The following PPARG variants were observed in gnomAD, a reference collection of about 807,000 sequenced individuals.
PPARG encodes peroxisome proliferator activated receptor gamma.
In PPARG, 17 loss-of-function variants were observed where a neutral mutation model predicts 39.2. The ratio of observed to expected loss-of-function variants is 0.43; its 90% CI spans 0.30 to 0.65. PPARG has a LOEUF of 0.65. Among genes scored for constraint, PPARG ranks in the 30% least tolerant of loss-of-function variants. The pLI, the probability that PPARG is intolerant of heterozygous loss-of-function variation, is 0.13. For synonymous variants in PPARG, 223 were observed against 215.7 expected (o/e 1.03, Z -0.30); for missense variants, 406 against 585.9 (o/e 0.69, Z 3.17).
At chr3:12,355,765 T>C (rs937934557) in intron 2 of PPARG, among the ~76,000 whole-genome samples, 2 of 152,254 alleles carry the variant, frequency 1.3e-5, no homozygotes, top group Admixed American at 1.3e-4. Context: ...TTTCCCCTAC[T>C]ATCTCTAAGG....
rs2048480922 is a variant in PPARG, at chr3:12,351,358, T to C, written c.-8-28346T>C. 4 of 583,026 alleles carry C rather than the reference T, an allele frequency of 6.9e-6. No homozygotes were observed. In the South Asian group the frequency reaches 8.0e-5, roughly 12 times the overall value. 36.1% of individuals were successfully genotyped at this position (583,026 alleles called of 1,614,324 possible). On this transcript the variant is annotated intron_variant, in intron 2 of 7. Transcript: ENST00000651735. ...AGTCTTGCCAAAGCAGTGAACATTA[T>C]GACACAACTTTTTGTCACAGCTGGC...
intron 1 of PPARG, among the ~76,000 whole-genome samples, chr3:12,298,272 C>T (rs1478117588): frequency 1.6e-4 from 20 of 123,710 alleles, no homozygotes; most frequent in Admixed American, 4.8e-4. Context: ...GCACTCCAGC[C>T]TGGGCGACAG....
rs887997634 is a variant in PPARG at position 12,306,914 on chromosome 3, C to T, written c.-82-5466C>T. On this transcript the variant is annotated intron_variant, in intron 1 of 7. Transcript: ENST00000651735. ...GAGATCGAGACCATCCTGGCTAACA[C>T]GGTGTAACCCCATCTCTACTAAAAA... Among the ~76,000 whole-genome samples, 25 of 151,872 alleles carry T rather than the reference C, an allele frequency of 1.6e-4. No homozygotes were observed. The East Asian group carries it at 2.5e-3, about 15-fold the overall frequency.
At position 12,342,855 on chromosome 3, in the gene PPARG, C is replaced by A. The variant is rs186589668; in HGVS notation, c.-9+30402C>A. Among the ~76,000 whole-genome samples the A allele has an allele frequency of 1.8e-4, 28 of 151,704 alleles. No individual in the cohort carries two copies. In the East Asian group the frequency reaches 5.1e-3, roughly 27 times the overall value. Reference sequence around the variant, plus strand: ...TCAGATAGAAAAGCAGCAGTGTATTCTTTCCTTCAAGGAAAATGAAAATGT... The same window carrying A: ...TCAGATAGAAAAGCAGCAGTGTATTATTTCCTTCAAGGAAAATGAAAATGT... On this transcript the variant is annotated intron_variant, in intron 2 of 7. Coordinates refer to ENST00000651735, the MANE Select transcript of PPARG (RefSeq NM_138711.6).
intron 2 of PPARG, chr3:12,371,802 C>A: frequency 1.6e-6 from 1 of 631,616 alleles, no homozygotes; most frequent in South Asian, 1.5e-5. Flanking sequence ...TTTTCTTTAT[C>A]TGTCAAATGA....
upstream of PPARG, chr3:12,287,714 C>T (rs1267185325): frequency 4.0e-5 from 6 of 150,922 alleles, no homozygotes; most frequent in Admixed American, 2.6e-4. Context: ...GCGGGAAAGC[C>T]GGTGGCTCCC....
chr3:12,372,577 G>T (rs2049258696), intron 2 of PPARG, among the ~76,000 whole-genome samples: 1 of 152,124 alleles, frequency 6.6e-6, no homozygotes, highest in Non-Finnish European at 1.5e-5. Flanking sequence ...TAAATATGAA[G>T]AAGATGTAAC....
In PPARG at chr3:12,304,821, G is replaced by A. The variant is rs187619407; in HGVS notation, c.-82-7559G>A. On this transcript the variant is annotated intron_variant, in intron 1 of 7. Transcript: ENST00000651735. Reference sequence around the variant, plus strand: ...AAGCAAAGATAGTTTCTTTAAAGTCGCATTTATATGTAATAACAATGGGAA... The same window carrying A: ...AAGCAAAGATAGTTTCTTTAAAGTCACATTTATATGTAATAACAATGGGAA... Among the ~76,000 whole-genome samples, 111 of 152,270 alleles carry A rather than the reference G, an allele frequency of 7.3e-4. 1 individual carries two copies. Among genetic ancestry groups the A allele is most frequent in the African/African-American group, 2.5e-3 (103 of 41,550 alleles).
At chr3:12,360,971 G>A (rs1169619527) in intron 2 of PPARG, among the ~76,000 whole-genome samples, 1 of 152,026 alleles carries the variant, frequency 6.6e-6, no homozygotes, top group Non-Finnish European at 1.5e-5. Context: ...TGAGCTTCAG[G>A]AGACGTTGCC....
intron 2 of PPARG, among the ~76,000 whole-genome samples, chr3:12,379,409 T>C (rs1024124532): frequency 6.6e-6 from 1 of 152,196 alleles, no homozygotes; most frequent in African/African-American, 2.4e-5. Flanking sequence ...GATGACCTAA[T>C]GTAGAAGTTA....
chr3:12,396,751 C>A (rs1434785449), intron 5 of PPARG, among the ~76,000 whole-genome samples: 1 of 132,324 alleles, frequency 7.6e-6, no homozygotes, highest in Non-Finnish European at 1.6e-5. Context: ...GAGCAAGACC[C>A]AGTCTCAAAA....
chr3:12,403,733 G>T (rs772934280), intron 5 of PPARG, among the ~76,000 whole-genome samples: 1 of 152,098 alleles, frequency 6.6e-6, no homozygotes, highest in Non-Finnish European at 1.5e-5. Flanking sequence ...TGGAACCTGC[G>T]GGTATGGAGG....
At chr3:12,292,646 G>A (rs1246067974) in intron 1 of PPARG, among the ~76,000 whole-genome samples, 10 of 151,960 alleles carry the variant, frequency 6.6e-5, no homozygotes, top group African/African-American at 1.2e-4. Context: ...TAAATTCTTC[G>A]CGTGAATTGT....
intron 2 of PPARG, among the ~76,000 whole-genome samples, chr3:12,316,799 A>C (rs2047401552): frequency 6.6e-6 from 1 of 152,046 alleles, no homozygotes; most frequent in African/African-American, 2.4e-5. Flanking sequence ...GTGTACCATA[A>C]ATTGTGAGGT....
intron 6 of PPARG, 183 bp downstream of exon 6, chr3:12,406,264 C>A: frequency 1.2e-5 from 8 of 671,656 alleles, no homozygotes; most frequent in Non-Finnish European, 8.0e-6. Context: ...CACAAGTCAA[C>A]ATTATTTTGA....
intron 1 of PPARG, among the ~76,000 whole-genome samples, chr3:12,293,604 G>A (rs1283543602): frequency 6.6e-6 from 1 of 152,172 alleles, no homozygotes; most frequent in Non-Finnish European, 1.5e-5. Flanking sequence ...CATGATTACT[G>A]TGTATAGTCT....
intron 2 of PPARG, chr3:12,371,884 T>C (rs2049228240): frequency 1.4e-6 from 1 of 703,238 alleles, no homozygotes; most frequent in African/African-American, 1.8e-5. Flanking sequence ...TGGATGTCGC[T>C]GTCATGATGG....
intron 7 of PPARG, 89 bp downstream of exon 7, chr3:12,417,243 G>A (rs1363129506): frequency 2.9e-5 from 38 of 1,306,280 alleles, no homozygotes; most frequent in Non-Finnish European, 4.1e-5. Context: ...GTGTTAGTCT[G>A]CATTGTCACT....
intron 6 of PPARG, among the ~76,000 whole-genome samples, chr3:12,411,715 T>C (rs375951341): frequency 1.3e-5 from 2 of 152,118 alleles, no homozygotes; most frequent in African/African-American, 4.8e-5. Context: ...ACAGATTACT[T>C]CTGAAGACCC....
Sources: allele counts gnomAD v4.1 joint callset (sites outside exome capture counted in the v4.1 genomes callset), GRCh38; gene constraint gnomAD v4.1.1; transcripts MANE v1.5; gene names NCBI Gene and HGNC (gene_info 2026-07-23, HGNC 2026-07-21).